The following GEMIN5 variants were observed in gnomAD, a reference collection of about 807,000 sequenced individuals.
GEMIN5 encodes gem nuclear organelle associated protein 5.
A neutral mutation model predicts 176.9 loss-of-function variants in GEMIN5; 124 were observed. That is an observed-to-expected ratio of 0.70 (90% confidence interval 0.61 to 0.81). GEMIN5 has a LOEUF of 0.81. Ranked by LOEUF, GEMIN5 falls within the 40% of genes least tolerant of loss-of-function variation. The pLI is 0.00. For synonymous variants in GEMIN5, 673 were observed against 665.2 expected (o/e 1.01, Z -0.18); for missense variants, 1,843 against 1,814.6 (o/e 1.02, Z -0.28).
chr5:154,891,509 G>A lies in GEMIN5; in HGVS notation c.3994C>T (p.Gln1332Ter). 2 of 1,614,188 alleles carry A rather than the reference G, an allele frequency of 1.2e-6. No individual in the cohort carries two copies. Among genetic ancestry groups the A allele is most frequent in the East Asian group, 4.5e-5 (2 of 44,874 alleles). Residue 1332 changes from glutamine (Q) to a stop codon, truncating the protein, a stop_gained, in exon 26 of 28, where the codon CAG becomes TAG. Transcript: ENST00000285873. LOFTEE classifies it high-confidence loss of function. ...TCTGAAGGCCTGTTTGGCTCTGGCT[G>A]AGAAGTTTCAGGGTCCGTTTCTTCA... Reference protein sequence around the residue: ...STEETDPETSQPEPNRPSELD... With the variant: ...STEETDPETS
Position 154,912,894 on chromosome 5 carries a change from A to G in GEMIN5, c.1995+5T>C. On this transcript the variant is annotated splice_donor_5th_base_variant and intron_variant, in intron 14 of 27. Coordinates refer to ENST00000285873, the MANE Select transcript of GEMIN5 (RefSeq NM_015465.5). ...GGACCCACAGGGACAAGGACACAAT[A>G]GTACCTGGGCTGTACCATCATAGGA... 3.1e-6 allele frequency: 5 copies of G among 1,611,852 alleles called. No homozygotes were observed. The highest frequency in any genetic ancestry group is 4.2e-6 in the Non-Finnish European group (5 of 1,178,692).
rs779545353 is a variant in GEMIN5 at position 154,917,138 on chromosome 5, C to A, written c.1715G>T (p.Cys572Phe). The A allele has an allele frequency of 1.3e-6, 2 of 1,554,542 alleles. No individual in the cohort carries two copies. Among genetic ancestry groups the A allele is most frequent in the Non-Finnish European group, 8.8e-7 (1 of 1,140,522 alleles). Residue 572 changes from cysteine (C) to phenylalanine (F), a missense_variant, in exon 13 of 28, where the codon TGT becomes TTT. By Grantham distance (205) the Cys-to-Phe change is radical. Coordinates refer to ENST00000285873, the MANE Select transcript of GEMIN5 (RefSeq NM_015465.5). ...AAGCTTGTGATGCTGTTGGATAGTA[C>A]AGATCAGTTTCAGGTTGGGAATCTG... ...IFQIPNLKLI[C>F]TIQQHHKLVN... is the part of the protein sequence containing the mutation.
At chr5:154,913,205 T>G (rs1417727861) in intron 13 of GEMIN5, among the ~76,000 whole-genome samples, 167 bp from the exon 14 acceptor site, 1 of 151,924 alleles carries the variant, frequency 6.6e-6, no homozygotes. Context: ...CAGGCTGGAG[T>G]GCAATGGCGC....
Position 154,911,768 on chromosome 5 carries a change from T to C in GEMIN5, c.2126A>G (p.Lys709Arg). 1.9e-6 allele frequency: 3 copies of C among 1,614,050 alleles called. No individual in the cohort carries two copies. The highest frequency in any genetic ancestry group is 2.5e-6 in the Non-Finnish European group (3 of 1,179,896). ...YSGADDFCVH[K>R]WLTSMQDHSR... ...ATGATCTTGCATGGAAGTGAGCCAC[T>C]TGTGCACACAAAAGTCATCTGCCCC... is the stretch of plus-strand genomic sequence containing the variant. Residue 709 changes from lysine (K) to arginine (R), a missense_variant, in exon 15 of 28, where the codon AAG becomes AGG. Physicochemically the swap from Lys to Arg is conservative, Grantham distance 26. Coordinates refer to ENST00000285873, the MANE Select transcript of GEMIN5 (RefSeq NM_015465.5).
At chr5:154,912,688 T>A (rs1763726772) in intron 14 of GEMIN5, among the ~76,000 whole-genome samples, 1 of 150,790 alleles carries the variant, frequency 6.6e-6, no homozygotes, top group African/African-American at 2.5e-5. Context: ...ATCAATACTT[T>A]CCCCTTCATC....
At position 154,927,549 on chromosome 5, in the gene GEMIN5, C is replaced by T; in HGVS notation, c.916G>A (p.Gly306Ser). Residue 306 changes from glycine (G) to serine (S), a missense_variant and splice_region_variant, in exon 7 of 28, where the codon GGT (glycine) becomes AGT (serine). Coordinates refer to ENST00000285873, the MANE Select transcript of GEMIN5 (RefSeq NM_015465.5). ...PTQLVSSCFG[G>S]ELLQWDLTQS... ...GTGAGATCCCATTGCAACAGTTCAC[C>T]TCTGTGAAGGAAAAACATAAGCATT... The T allele has an allele frequency of 6.3e-7, 1 of 1,582,542 alleles. No homozygotes were observed. The highest frequency in any genetic ancestry group is 8.6e-7 in the Non-Finnish European group (1 of 1,156,402).
Position 154,917,995 on chromosome 5 carries a change from G to T in GEMIN5, c.1609C>A (p.Pro537Thr). 6.2e-7 allele frequency: 1 copy of T among 1,608,592 alleles called. No homozygotes were observed. Among genetic ancestry groups the T allele is most frequent in the Non-Finnish European group, 8.5e-7 (1 of 1,175,516 alleles). ...TTCCAACTTATCTCTGTGTGTACAG[G>T]CAATTTGTACTAGAAAGCAAAACAA... ...RDTNSIKYKL[P>T]VHTEISWKAD... Residue 537 changes from proline to threonine, a missense_variant, in exon 12 of 28, where the codon CCT becomes ACT. Pro to Thr is a conservative substitution (Grantham distance 38). Transcript: ENST00000285873.
chr5:154,907,997 T>C (rs1339726422), intron 15 of GEMIN5, among the ~76,000 whole-genome samples, 179 bp from the exon 16 acceptor site: 1 of 152,090 alleles, frequency 6.6e-6, no homozygotes, highest in Non-Finnish European at 1.5e-5. Context: ...GAAATTTCAT[T>C]AAATCATAAA....
intron 9 of GEMIN5, 132 bp from the exon 10 acceptor site, chr5:154,921,557 A>G (rs914175490): frequency 6.7e-6 from 4 of 598,634 alleles, no homozygotes; most frequent in African/African-American, 5.9e-5. Flanking sequence ...TAATTCAACA[A>G]TATCTTGCTC....
At chr5:154,902,881 A>T (rs1302243461) in intron 19 of GEMIN5, among the ~76,000 whole-genome samples, 199 bp downstream of exon 19, 2 of 152,220 alleles carry the variant, frequency 1.3e-5, no homozygotes, top group Non-Finnish European at 2.9e-5. Context: ...ATGTACTCAG[A>T]GTGAATGCTG....
chr5:154,925,677 T>C (rs1457385629), intron 8 of GEMIN5, among the ~76,000 whole-genome samples, 185 bp downstream of exon 8: 1 of 152,200 alleles, frequency 6.6e-6, no homozygotes. Context: ...AGAGCCTTAA[T>C]AAATTTAAAC....
intron 23 of GEMIN5, among the ~76,000 whole-genome samples, chr5:154,897,688 T>C (rs1763377460): frequency 6.6e-6 from 1 of 152,168 alleles, no homozygotes; most frequent in African/African-American, 2.4e-5. Context: ...GATTTCGCCA[T>C]GTTGGCCAGG....
At chr5:154,911,034 G>T (rs1028686695) in intron 15 of GEMIN5, among the ~76,000 whole-genome samples, 3 of 152,160 alleles carry the variant, frequency 2.0e-5, no homozygotes, top group Non-Finnish European at 2.9e-5. Flanking sequence ...CCCAGATTTG[G>T]TCAGTGGGAA....
Position 154,902,520 on chromosome 5 carries a change from A to G in GEMIN5, c.2866+19T>C. 1 of 1,612,504 alleles carries G rather than the reference A, an allele frequency of 6.2e-7. No individual in the cohort carries two copies. The highest frequency in any genetic ancestry group is 8.5e-7 in the Non-Finnish European group (1 of 1,178,972). Reference sequence around the variant, plus strand: ...TGATAGAGCTTTTGTTGAAAAGAACAAACAAACAAAAACCATACCTGCTGG... The same window carrying G: ...TGATAGAGCTTTTGTTGAAAAGAACGAACAAACAAAAACCATACCTGCTGG... On this transcript the variant is annotated intron_variant, in intron 20 of 27. Transcript: ENST00000285873.
Position 154,899,278 on chromosome 5 carries a change from C to G in GEMIN5, c.3047G>C (p.Arg1016Pro), listed in dbSNP as rs200055716. The change falls in exon 22 of 28, where the codon CGC (arginine) becomes CCC (proline). Residue 1016 changes from arginine to proline, a missense_variant. Arg to Pro is a moderately radical substitution (Grantham distance 103). Coordinates refer to ENST00000285873, the MANE Select transcript of GEMIN5 (RefSeq NM_015465.5). ...GTCCTTCAGGACTGGGTCCTCCGGG[C>G]GCAGCCGGGCCTTGGCAATCGCAAT... The part of the protein sequence containing the change: ...EAIAIAKARL[R>P]PEDPVLKDLY... 16 of 1,611,908 alleles carry G rather than the reference C, an allele frequency of 9.9e-6. No individual in the cohort carries two copies. The highest frequency in any genetic ancestry group is 1.1e-5 in the Non-Finnish European group (13 of 1,179,002).
At chr5:154,936,197 A>T (rs1262598167) in intron 2 of GEMIN5, among the ~76,000 whole-genome samples, 175 bp from the exon 3 acceptor site, 3 of 152,092 alleles carry the variant, frequency 2.0e-5, no homozygotes, top group Admixed American at 2.0e-4. Flanking sequence ...CGGGTGGATC[A>T]CCAGGTAAGG....
intron 21 of GEMIN5, among the ~76,000 whole-genome samples, chr5:154,899,631 AAT>A (rs1174656012): frequency 6.6e-6 from 1 of 151,932 alleles, no homozygotes; most frequent in African/African-American, 2.4e-5. Flanking sequence ...AAAAAAAAAA[AAT>A]GTGTTGACAT....
At chr5:154,888,497 C>CAGCT (rs1301426214) in intron 27 of GEMIN5, 120 bp from the exon 28 acceptor site, 1 of 728,176 alleles carries the variant, frequency 1.4e-6, no homozygotes, top group African/African-American at 1.8e-5. Context: ...ACAGCTGAGC[C>CAGCT]AGCTGTCTCC....
chr5:154,913,434 A>ATC (rs1422442160), intron 13 of GEMIN5, among the ~76,000 whole-genome samples: 2 of 152,214 alleles, frequency 1.3e-5, no homozygotes, highest in African/African-American at 4.8e-5. Flanking sequence ...TATAATTTGA[A>ATC]TATAGTCATG....
Sources: gnomAD v4.1 joint callset for allele counts (sites outside exome capture counted in the v4.1 genomes callset) on GRCh38, gnomAD v4.1.1 for gene constraint, MANE v1.5 for transcripts, NCBI Gene and HGNC (gene_info 2026-07-23, HGNC 2026-07-21) for gene names.